Variants in ATRNL1 observed in about 807,000 individuals in gnomAD.
The protein encoded by ATRNL1 is attractin-like protein 1.
ATRNL1 carries 95 observed loss-of-function variants against 182.7 expected under a neutral mutation model. The observed-to-expected ratio is 0.52, with a 90% CI of 0.44 to 0.62. ATRNL1 has a LOEUF of 0.62. Ranked by LOEUF, ATRNL1 falls within the 20% of genes least tolerant of loss-of-function variation. The pLI, the probability that ATRNL1 is intolerant of heterozygous loss-of-function variation, is 0.00. For missense variants in ATRNL1, 1,471 were observed against 1,679.5 expected (o/e 0.88, Z 2.17); for synonymous variants, 576 against 568.3 (o/e 1.01, Z -0.19).
intron 22 of ATRNL1, among the ~76,000 whole-genome samples, chr10:115,465,242 G>C (rs1554970552): frequency 6.6e-6 from 1 of 151,440 alleles, no homozygotes; most frequent in African/African-American, 2.4e-5. Context: ...ATTCAAGTCT[G>C]GTTACTTTAT....
chr10:115,366,079 C>A (rs2134174701), intron 19 of ATRNL1, among the ~76,000 whole-genome samples: 1 of 151,722 alleles, frequency 6.6e-6, no homozygotes, highest in South Asian at 2.1e-4. Context: ...TCCTTGTTGA[C>A]TTTCTGTCTC....
intron 9 of ATRNL1, among the ~76,000 whole-genome samples, chr10:115,221,800 T>C (rs1248710460): frequency 6.6e-6 from 1 of 152,144 alleles, no homozygotes; most frequent in African/African-American, 2.4e-5. Flanking sequence ...TAGCCCACCT[T>C]TGAATCATCA....
intron 26 of ATRNL1, among the ~76,000 whole-genome samples, chr10:115,605,712 A>G (rs1196984417): frequency 1.3e-5 from 2 of 152,030 alleles, no homozygotes; most frequent in Admixed American, 6.6e-5. Flanking sequence ...GTATGCATAT[A>G]CAGAAATGCA....
At chr10:115,553,852 A>G (rs1332509556) in intron 26 of ATRNL1, among the ~76,000 whole-genome samples, 3 of 151,512 alleles carry the variant, frequency 2.0e-5, no homozygotes, top group East Asian at 3.9e-4. Context: ...ATATTCTCTG[A>G]CGCAGTGATA....
chr10:115,233,534 T>C (rs1340948432), intron 9 of ATRNL1, among the ~76,000 whole-genome samples: 1 of 152,182 alleles, frequency 6.6e-6, no homozygotes. Context: ...CGTCTTACAA[T>C]TTCTGCTATA....
chr10:115,189,428 T>A (rs2144222700), intron 8 of ATRNL1, among the ~76,000 whole-genome samples: 2 of 152,160 alleles, frequency 1.3e-5, no homozygotes, highest in South Asian at 4.1e-4. Context: ...GCTCCATGCA[T>A]ATGAATGCCC....
At chr10:115,533,387 C>T (rs1443457454) in intron 25 of ATRNL1, among the ~76,000 whole-genome samples, 1 of 151,716 alleles carries the variant, frequency 6.6e-6, no homozygotes, top group Admixed American at 6.6e-5. Flanking sequence ...AGTTTATTTG[C>T]GTAGAGGTGT....
chr10:115,616,441 G>C (rs1277838253), intron 26 of ATRNL1, among the ~76,000 whole-genome samples: 1 of 152,170 alleles, frequency 6.6e-6, no homozygotes, highest in Non-Finnish European at 1.5e-5. Context: ...CAATTTTTGG[G>C]CAGGTAGGGG....
At position 115,755,116 on chromosome 10, in the gene ATRNL1, C is replaced by T. The variant is rs186882346; in HGVS notation, c.3903+27761C>T. 2.7e-3 allele frequency among the ~76,000 whole-genome samples: 404 copies of T among 152,232 alleles called. 2 individuals carry two copies. The highest frequency in any genetic ancestry group is 9.1e-3 in the African/African-American group (379 of 41,556). On this transcript the variant is annotated intron_variant, in intron 27 of 28. Transcript: ENST00000355044. ...AATATACAATCATGTTATCTGCAAA[C>T]AGGGAAAATTTGACTTCCTCTTTTC...
intron 8 of ATRNL1, among the ~76,000 whole-genome samples, chr10:115,205,555 G>A (rs568087342): frequency 1.3e-5 from 2 of 150,832 alleles, no homozygotes; most frequent in African/African-American, 2.4e-5. Context: ...CCTTTTTCCT[G>A]TATTCATTTG....
chr10:115,439,034 T>C (rs563073923), intron 21 of ATRNL1, among the ~76,000 whole-genome samples: 71 of 152,128 alleles, frequency 4.7e-4, no homozygotes, highest in African/African-American at 1.6e-3. Context: ...GTATGTTATA[T>C]ACATTATATA....
chr10:115,364,923 A>G (rs1282310292), intron 19 of ATRNL1, among the ~76,000 whole-genome samples: 6 of 151,490 alleles, frequency 4.0e-5, no homozygotes, highest in African/African-American at 1.5e-4. Flanking sequence ...TCAGTTTGCC[A>G]GTATTTTATT....
At position 115,234,464 on chromosome 10, in the gene ATRNL1, A is replaced by G. The variant is rs183472090; in HGVS notation, c.1533-7107A>G. Among the ~76,000 whole-genome samples, 721 of 152,224 alleles carry G rather than the reference A, an allele frequency of 4.7e-3. 7 individuals are homozygous for G. The highest frequency in any genetic ancestry group is 0.01 in the Middle Eastern group (3 of 294). On this transcript the variant is annotated intron_variant, in intron 9 of 28. Transcript: ENST00000355044. ...CTAAAAAACAAAGATACTCTCTTACATAAGGATCAAATTTAGAAAATAACA... is the reference window on the plus strand; with the variant it reads ...CTAAAAAACAAAGATACTCTCTTACGTAAGGATCAAATTTAGAAAATAACA...
chr10:115,326,180 A>G (rs1854870117), intron 18 of ATRNL1, among the ~76,000 whole-genome samples: 1 of 152,204 alleles, frequency 6.6e-6, no homozygotes, highest in Non-Finnish European at 1.5e-5. Flanking sequence ...TATATCGAGA[A>G]AACCCTATTG....
At chr10:115,647,274 C>A (rs1196417937) in intron 26 of ATRNL1, among the ~76,000 whole-genome samples, 4 of 152,082 alleles carry the variant, frequency 2.6e-5, no homozygotes, top group Admixed American at 6.6e-5. Context: ...GTGCATGTGT[C>A]TTTATAGCAG....
intron 19 of ATRNL1, among the ~76,000 whole-genome samples, chr10:115,366,440 A>G (rs1857044416): frequency 6.6e-6 from 1 of 152,094 alleles, no homozygotes; most frequent in South Asian, 2.1e-4. Context: ...TTTCCTGAAT[A>G]CAGCACACTG....
In ATRNL1 at chr10:115,549,505, A is replaced by G. The variant is rs1852845070; in HGVS notation, c.3764A>G (p.Lys1255Arg). 1 of 1,602,712 alleles carries G rather than the reference A, an allele frequency of 6.2e-7. No individual in the cohort carries two copies. The highest frequency in any genetic ancestry group is 1.7e-5 in the Admixed American group (1 of 58,934). The change falls in exon 26 of 29, where the codon AAA becomes AGA. Residue 1255 changes from lysine to arginine, a missense_variant. This residue lies in a region of ATRNL1 where 437 missense variants were observed against 506.0 expected (regional missense o/e 0.86). Coordinates refer to ENST00000355044, the MANE Select transcript of ATRNL1 (RefSeq NM_207303.4). ...LLVAAVVWKI[K>R]QTCWASRRRE... ...GTGGCTGCTGTGGTATGGAAGATCA[A>G]ACAAACTTGTTGGGCTTCTCGACGG...
chr10:115,837,400 A>G (rs1950699754), intron 27 of ATRNL1, among the ~76,000 whole-genome samples: 1 of 151,338 alleles, frequency 6.6e-6, no homozygotes, highest in African/African-American at 2.4e-5. Context: ...ACTTGATTAT[A>G]AAATTAGGAA....
At chr10:115,172,624 C>T (rs1446295479) in intron 8 of ATRNL1, among the ~76,000 whole-genome samples, 14 of 151,844 alleles carry the variant, frequency 9.2e-5, no homozygotes, top group Non-Finnish European at 1.9e-4. Flanking sequence ...TTTCAAGTCC[C>T]ACTGATCTCT....
Sources: gnomAD v4.1 joint callset for allele counts (sites outside exome capture counted in the v4.1 genomes callset) on GRCh38, gnomAD v4.1.1 for gene constraint, gnomAD v4.1.1 regional missense constraint, MANE v1.5 for transcripts, NCBI Gene and HGNC (gene_info 2026-07-23, HGNC 2026-07-21) for gene names.